ZNF529: variants seen among roughly 807,000 people sequenced by gnomAD.
The protein encoded by ZNF529 is zinc finger protein 529.
ZNF529 carries 11 observed loss-of-function variants against 10.1 expected under a neutral mutation model. The observed-to-expected ratio is 1.09, with a 90% CI of 0.69 to 1.81. ZNF529 has a LOEUF of 1.81. ZNF529 is among the 40% of genes most tolerant of loss of function. ZNF529 has a pLI of 0.00. For synonymous variants in ZNF529, 204 were observed against 215.7 expected (o/e 0.95, Z 0.47); for missense variants, 624 against 666.8 (o/e 0.94, Z 0.71).
At chr19:36,597,077 G>T (rs548230482) in intron 1 of ZNF529, among the ~76,000 whole-genome samples, 1 of 152,116 alleles carries the variant, frequency 6.6e-6, no homozygotes, top group African/African-American at 2.4e-5. Flanking sequence ...TCACTATGTT[G>T]CCCAGGCTGG....
chr19:36,588,942 CT>C (rs11352017), intron 2 of ZNF529, among the ~76,000 whole-genome samples: 91,980 of 139,274 alleles, frequency 0.66, 30,458 homozygotes, highest in African/African-American at 0.76. Context: ...AGAACCCCAT[CT>C]TTTTTTTTTT....
In ZNF529 at chr19:36,548,339, A is replaced by G. The variant is rs535535723; in HGVS notation, c.236-17T>C. ...ACTCCAAATCTGAAAGAAAGGAAAA[A>G]ATAATTTTCATGTACTACAAAAATA... On this transcript the variant is annotated splice_polypyrimidine_tract_variant and intron_variant, in intron 4 of 4. Coordinates refer to ENST00000591340, the MANE Select transcript of ZNF529 (RefSeq NM_020951.5). The G allele has an allele frequency of 6.7e-7, 1 of 1,496,966 alleles. No homozygotes were observed. Among genetic ancestry groups the G allele is most frequent in the African/African-American group, 1.4e-5 (1 of 70,626 alleles). 92.7% of individuals were successfully genotyped at this position (1,496,966 alleles called of 1,614,324 possible).
At position 36,556,205 on chromosome 19, in the gene ZNF529, A is replaced by C. The variant is rs1268738978; in HGVS notation, c.15-8T>G. 9.6e-7 allele frequency: 1 copy of C among 1,044,742 alleles called. No homozygotes were observed. The highest frequency in any genetic ancestry group is 2.0e-5 in the Admixed American group (1 of 50,302). The allele number at this position is 1,044,742 out of a possible 1,614,324, so 64.7% of individuals were successfully genotyped here. The stretch of plus-strand genomic sequence containing the variant: ...ACATGATCCCCAATGAAACTGTAAA[A>C]ATTATTTTTTAAGAAAGAACCACCA... On this transcript the variant is annotated splice_polypyrimidine_tract_variant and splice_region_variant and intron_variant, in intron 2 of 4. Coordinates refer to ENST00000591340, the MANE Select transcript of ZNF529 (RefSeq NM_020951.5).
intron 1 of ZNF529, among the ~76,000 whole-genome samples, chr19:36,591,517 A>G (rs1019365280): frequency 2.0e-5 from 3 of 151,226 alleles, no homozygotes; most frequent in Non-Finnish European, 3.0e-5. Context: ...CAGGAGATCG[A>G]GACCATCCTG....
In ZNF529 at chr19:36,547,003, A is replaced by C; in HGVS notation, c.1555T>G (p.Ser519Ala). 1 of 1,613,804 alleles carries C rather than the reference A, an allele frequency of 6.2e-7. No homozygotes were observed. The highest frequency in any genetic ancestry group is 8.5e-7 in the Non-Finnish European group (1 of 1,179,892). The change falls in exon 5 of 5, where the codon TCA becomes GCA. Residue 519 changes from serine to alanine, a missense_variant. Ser to Ala is a moderately conservative substitution (Grantham distance 99, BLOSUM62 1). Coordinates refer to ENST00000591340, the MANE Select transcript of ZNF529 (RefSeq NM_020951.5). ...KACGKAFRHSSSFTKHQRIHT... is the reference protein window; with the variant it reads ...KACGKAFRHSASFTKHQRIHT... ...ATGCGCTGATGTTTGGTAAAGGATGAACTATGTCTAAAGGCCTTCCCACAT... is the reference window on the plus strand; with the variant it reads ...ATGCGCTGATGTTTGGTAAAGGATGCACTATGTCTAAAGGCCTTCCCACAT...
intron 2 of ZNF529, among the ~76,000 whole-genome samples, chr19:36,584,488 C>T (rs898104537): frequency 2.6e-5 from 4 of 151,994 alleles, no homozygotes; most frequent in Non-Finnish European, 2.9e-5. Flanking sequence ...AGAAAGAGGC[C>T]GGATGCGGTA....
At chr19:36,579,493 A>G (rs113797796) in intron 2 of ZNF529, among the ~76,000 whole-genome samples, 6 of 152,376 alleles carry the variant, frequency 3.9e-5, no homozygotes, top group East Asian at 1.9e-4. Flanking sequence ...ACAAACAGCA[A>G]TGGGGTAGCC....
At chr19:36,554,503 G>A (rs189378109) in intron 4 of ZNF529, among the ~76,000 whole-genome samples, 167 bp downstream of exon 4, 236 of 152,250 alleles carry the variant, frequency 1.6e-3, no homozygotes, top group African/African-American at 5.2e-3. Flanking sequence ...ACTTGAACCC[G>A]GGAGGCAGAG....
intron 2 of ZNF529, among the ~76,000 whole-genome samples, chr19:36,570,296 G>A (rs1226707139): frequency 6.9e-6 from 1 of 144,800 alleles, no homozygotes. Flanking sequence ...GGGAAGTAGA[G>A]GCTGCATTGA....
Position 36,546,371 on chromosome 19 carries a change from G to A in ZNF529, c.*495C>T, listed in dbSNP as rs1451900397. On this transcript the variant is annotated 3_prime_UTR_variant, in exon 5 of 5. Transcript: ENST00000591340. The stretch of plus-strand genomic sequence containing the variant: ...TCAACAATTGGATGAAAATGGAAAG[G>A]AGATCACACTTCTATCATTTAAAAC... 1 of 140,040 alleles carries A rather than the reference G, an allele frequency of 7.1e-6. No individual in the cohort carries two copies. The highest frequency in any genetic ancestry group is 1.5e-5 in the Non-Finnish European group (1 of 65,410). 8.7% of individuals were successfully genotyped at this position (140,040 alleles called of 1,614,324 possible). A position where few individuals can be genotyped will look rare whatever the true frequency, so the allele number is the denominator to read the frequency against.
intron 4 of ZNF529, among the ~76,000 whole-genome samples, chr19:36,548,633 T>C (rs2035144401): frequency 6.6e-6 from 1 of 152,224 alleles, no homozygotes; most frequent in Admixed American, 6.5e-5. Flanking sequence ...CTAACGCAGA[T>C]CAAAATTTGA....
chr19:36,596,033 T>G (rs2036832479), intron 1 of ZNF529, among the ~76,000 whole-genome samples: 1 of 151,146 alleles, frequency 6.6e-6, no homozygotes, highest in Non-Finnish European at 1.5e-5. Flanking sequence ...TTCTCTTTTA[T>G]TGACCTTTTT....
At chr19:36,554,354 G>C (rs764462620) in intron 4 of ZNF529, among the ~76,000 whole-genome samples, 2 of 152,088 alleles carry the variant, frequency 1.3e-5, no homozygotes, top group Middle Eastern at 3.2e-3. Context: ...CAAGGTGGGC[G>C]AATCACAAGG....
chr19:36,574,538 T>A (rs139830496), upstream of ZNF529, among the ~76,000 whole-genome samples: 53 of 152,044 alleles, frequency 3.5e-4, 1 homozygote, highest in East Asian at 0.01. Flanking sequence ...TTCAAGATGG[T>A]CTGGGTGTGC....
intron 4 of ZNF529, among the ~76,000 whole-genome samples, chr19:36,552,942 A>G (rs532295400): frequency 3.0e-4 from 46 of 152,248 alleles, no homozygotes; most frequent in Non-Finnish European, 5.1e-4. Context: ...TTGTCTGGAG[A>G]AGCAGTATAA....
chr19:36,580,098 C>T (rs748578186), intron 2 of ZNF529, among the ~76,000 whole-genome samples: 17 of 152,238 alleles, frequency 1.1e-4, no homozygotes, highest in Non-Finnish European at 1.8e-4. Context: ...TGGGCCTACA[C>T]AGGGTCTAGA....
chr19:36,566,381 ATAAGT>A (rs1568596299), intron 2 of ZNF529, among the ~76,000 whole-genome samples: 2 of 152,120 alleles, frequency 1.3e-5, no homozygotes, highest in African/African-American at 4.8e-5. Context: ...GTACAGTACA[ATAAGT>A]TAATTAAAAC....
rs577973491 is a variant in ZNF529, at chr19:36,551,031, T to G, written c.236-2709A>C. 3.9e-5 allele frequency among the ~76,000 whole-genome samples: 6 copies of G among 152,330 alleles called. 1 individual carries two copies. The South Asian group carries it at 1.2e-3, about 32-fold the overall frequency. ...AAACCAGATAATAAGCCAGGAATCC[T>G]AGAACAAAGACCTGAATCATGATCT... On this transcript the variant is annotated intron_variant, in intron 4 of 4. Coordinates refer to ENST00000591340, the MANE Select transcript of ZNF529 (RefSeq NM_020951.5).
intron 2 of ZNF529, among the ~76,000 whole-genome samples, chr19:36,589,010 C>T (rs1428566104): frequency 2.7e-5 from 4 of 150,458 alleles, no homozygotes; most frequent in Non-Finnish European, 1.5e-5. Context: ...TGGCACAGAT[C>T]ACTGCTCACT....
Sources: gnomAD v4.1 joint callset for allele counts (sites outside exome capture counted in the v4.1 genomes callset) on GRCh38, gnomAD v4.1.1 for gene constraint, MANE v1.5 for transcripts, NCBI Gene and HGNC (gene_info 2026-07-23, HGNC 2026-07-21) for gene names.